Variants in PLCB1 observed in about 807,000 individuals in gnomAD.
PLCB1 encodes 1-phosphatidylinositol 4,5-bisphosphate phosphodiesterase beta-1.
In PLCB1, 46 loss-of-function variants were observed where a neutral mutation model predicts 161.8. The ratio of observed to expected loss-of-function variants is 0.28; its 90% CI spans 0.22 to 0.36. The LOEUF is 0.36. Among genes scored for constraint, PLCB1 ranks in the 10% least tolerant of loss-of-function variants. The pLI is 1.00. For synonymous variants in PLCB1, 517 were observed against 503.7 expected (o/e 1.03, Z -0.35); for missense variants, 1,016 against 1,472.5 (o/e 0.69, Z 5.07).
chr20:8,286,642 T>G (rs1983136761), intron 2 of PLCB1, among the ~76,000 whole-genome samples: 1 of 152,138 alleles, frequency 6.6e-6, no homozygotes, highest in African/African-American at 2.4e-5. Context: ...CTTTGTCCAT[T>G]CCTCCTTTTG....
intron 3 of PLCB1, among the ~76,000 whole-genome samples, chr20:8,563,842 G>C (rs964908705): frequency 3.9e-5 from 6 of 151,980 alleles, no homozygotes; most frequent in Non-Finnish European, 7.4e-5. Context: ...AAGGAAATAA[G>C]AGAGGACATA....
intron 2 of PLCB1, among the ~76,000 whole-genome samples, chr20:8,305,275 C>G (rs1315707096): frequency 6.6e-6 from 1 of 152,170 alleles, no homozygotes; most frequent in Admixed American, 6.5e-5. Flanking sequence ...TTGGGCCAAG[C>G]AAGCAAAATG....
chr20:8,484,302 G>A (rs554865186), intron 3 of PLCB1, among the ~76,000 whole-genome samples: 25 of 151,800 alleles, frequency 1.6e-4, no homozygotes, highest in Non-Finnish European at 2.5e-4. Flanking sequence ...TGGGATTATA[G>A]GCATGAGCCA....
At chr20:8,861,274 A>G (rs1171160409) in intron 31 of PLCB1, among the ~76,000 whole-genome samples, 1 of 152,260 alleles carries the variant, frequency 6.6e-6, no homozygotes, top group African/African-American at 2.4e-5. Context: ...TGTTTGTATT[A>G]ATGATATGTG....
At chr20:8,375,094 A>C (rs1317754866) in intron 3 of PLCB1, among the ~76,000 whole-genome samples, 2 of 152,312 alleles carry the variant, frequency 1.3e-5, no homozygotes, top group Admixed American at 1.3e-4. Flanking sequence ...ACCTTTGTTC[A>C]AGTTGCCAGT....
intron 3 of PLCB1, among the ~76,000 whole-genome samples, chr20:8,436,372 T>A (rs1249986936): frequency 6.6e-6 from 1 of 151,720 alleles, no homozygotes; most frequent in East Asian, 1.9e-4. Context: ...TTACATAAAT[T>A]AATTATTTTG....
At chr20:8,480,638 A>G (rs952941254) in intron 3 of PLCB1, among the ~76,000 whole-genome samples, 31 of 152,248 alleles carry the variant, frequency 2.0e-4, no homozygotes, top group Admixed American at 1.4e-3. Flanking sequence ...TACTATCCAG[A>G]TGCTCCCCCA....
intron 31 of PLCB1, among the ~76,000 whole-genome samples, chr20:8,823,271 C>T (rs111701195): frequency 9.2e-5 from 14 of 152,214 alleles, no homozygotes; most frequent in African/African-American, 3.1e-4. Context: ...TACAGGCATG[C>T]GCCACTGCGC....
intron 3 of PLCB1, among the ~76,000 whole-genome samples, chr20:8,546,309 A>G (rs6118242): frequency 0.37 from 49,480 of 132,816 alleles, 9,171 homozygotes; most frequent in Non-Finnish European, 0.41. Context: ...ACAAGACTCT[A>G]TCTCAAAAAA....
chr20:8,165,338 C>T (rs1016757672), intron 2 of PLCB1, among the ~76,000 whole-genome samples: 3 of 152,102 alleles, frequency 2.0e-5, no homozygotes, highest in Non-Finnish European at 4.4e-5. Flanking sequence ...GCCAAGGTAC[C>T]TTATGTGGAC....
chr20:8,702,861 A>G (rs773952705), intron 11 of PLCB1, among the ~76,000 whole-genome samples: 34 of 152,242 alleles, frequency 2.2e-4, no homozygotes, highest in Non-Finnish European at 4.3e-4. Flanking sequence ...GCACAAAAGC[A>G]TGAAAGTTCT....
Position 8,583,412 on chromosome 20 carries a change from T to A in PLCB1, c.247-44882T>A, listed in dbSNP as rs538119074. Among the ~76,000 whole-genome samples the A allele has an allele frequency of 2.6e-4, 39 of 152,316 alleles. No individual in the cohort carries two copies. The East Asian group carries it at 4.0e-3, about 16-fold the overall frequency. The stretch of plus-strand genomic sequence containing the variant: ...AATAAAAGACATTAAATAGTTTTTT[T>A]AAAAAACATAAAATACAAAATAAAT... On this transcript the variant is annotated intron_variant, in intron 3 of 31. Coordinates refer to ENST00000338037, the MANE Select transcript of PLCB1 (RefSeq NM_015192.4).
chr20:8,256,619 A>G (rs1981433654), intron 2 of PLCB1: 1 of 152,184 alleles, frequency 6.6e-6, no homozygotes, highest in Non-Finnish European at 1.5e-5. Flanking sequence ...TGATGGGAGA[A>G]ATGGCAGAGT....
chr20:8,418,949 G>A (rs952546204), intron 3 of PLCB1, among the ~76,000 whole-genome samples: 3 of 152,112 alleles, frequency 2.0e-5, no homozygotes, highest in Non-Finnish European at 2.9e-5. Flanking sequence ...AGTCCCAAGA[G>A]AACCATTTTT....
intron 3 of PLCB1, among the ~76,000 whole-genome samples, chr20:8,452,486 T>C (rs1981116571): frequency 6.6e-6 from 1 of 152,226 alleles, no homozygotes; most frequent in East Asian, 1.9e-4. Context: ...CAAACATTTA[T>C]TGTTTTTCTC....
intron 4 of PLCB1, among the ~76,000 whole-genome samples, chr20:8,644,704 G>C (rs1258631033): frequency 9.0e-4 from 136 of 150,346 alleles, no homozygotes; most frequent in East Asian, 7.4e-3. Context: ...GGAGGGAGGT[G>C]GGGGGGTCAG....
At chr20:8,500,541 C>A (rs1359914713) in intron 3 of PLCB1, among the ~76,000 whole-genome samples, 1 of 152,094 alleles carries the variant, frequency 6.6e-6, no homozygotes, top group African/African-American at 2.4e-5. Context: ...GTACCTGTAT[C>A]AAACAACTAC....
rs572322786 is a variant in PLCB1, at chr20:8,533,030, T to C, written c.247-95264T>C. On this transcript the variant is annotated intron_variant, in intron 3 of 31. Coordinates refer to ENST00000338037, the MANE Select transcript of PLCB1 (RefSeq NM_015192.4). ...CCTCCCCCCTCCCCCTACCCCACAA[T>C]AGTCCCCAGAGTGTGATGTTCCCCT... Among the ~76,000 whole-genome samples the C allele has an allele frequency of 7.3e-3, 822 of 112,740 alleles. 10 individuals are homozygous for C. Among genetic ancestry groups the C allele is most frequent in the African/African-American group, 0.025 (746 of 29,754 alleles). 74.0% of individuals were successfully genotyped at this position (112,740 alleles called of 152,430 possible).
intron 31 of PLCB1, among the ~76,000 whole-genome samples, chr20:8,841,572 T>C (rs73605744): frequency 6.6e-6 from 1 of 152,250 alleles, no homozygotes; most frequent in Non-Finnish European, 1.5e-5. Flanking sequence ...TCTGCCTTCC[T>C]ACCTCTGTCT....
Sources: gnomAD v4.1 joint callset for allele counts (sites outside exome capture counted in the v4.1 genomes callset) on GRCh38, gnomAD v4.1.1 for gene constraint, MANE v1.5 for transcripts, NCBI Gene and HGNC (gene_info 2026-07-23, HGNC 2026-07-21) for gene names.